Variants in CSMD1 observed in about 807,000 individuals in gnomAD.
The protein encoded by CSMD1 is CUB and Sushi multiple domains 1.
CSMD1 carries 213 observed loss-of-function variants against 417.5 expected under a neutral mutation model. The ratio of observed to expected loss-of-function variants is 0.51; its 90% CI spans 0.46 to 0.57. CSMD1 has a LOEUF of 0.57. Ranked by LOEUF, CSMD1 falls within the 20% of genes least tolerant of loss-of-function variation. The pLI is 0.00. For missense variants in CSMD1, 6,923 were observed against 4,529.7 expected, an observed-to-expected ratio of 1.53 and a Z score of -15.17; for synonymous variants, 2,862 against 1,736.8, an observed-to-expected ratio of 1.65 and a Z score of -16.11.
intron 3 of CSMD1, among the ~76,000 whole-genome samples, chr8:4,328,975 T>C (rs1310716265): frequency 1.3e-5 from 2 of 152,370 alleles, no homozygotes; most frequent in African/African-American, 2.4e-5. Flanking sequence ...CACTCTTCTG[T>C]GATATTTATT....
At chr8:3,412,828 T>G (rs1051615185) in intron 12 of CSMD1, among the ~76,000 whole-genome samples, 19 of 152,236 alleles carry the variant, frequency 1.2e-4, no homozygotes, top group Non-Finnish European at 2.9e-5. Context: ...TTGGGATGCC[T>G]TGAATGAGCG....
At chr8:4,200,548 G>A (rs1004311459) in intron 3 of CSMD1, among the ~76,000 whole-genome samples, 1 of 151,938 alleles carries the variant, frequency 6.6e-6, no homozygotes, top group Non-Finnish European at 1.5e-5. Context: ...AATGCCTGCT[G>A]TGCTATCCTT....
Position 3,110,162 on chromosome 8 carries a change from C to A in CSMD1, c.6604G>T (p.Val2202Phe). ...TGACTTGAGAGGTTCTCATACCAAA[C>A]AGCAATGTAATCGTTGACAGCTTCC... ...QTEAVNDYIA[V>F]WDGPDQNSPQ... Residue 2202 changes from valine (V) to phenylalanine (F), a missense_variant, in exon 43 of 70, where the codon GTT (valine) becomes TTT (phenylalanine). By Grantham distance (50) the Val-to-Phe change is conservative. Transcript: ENST00000635120. 1 of 1,603,224 alleles carries A rather than the reference C, an allele frequency of 6.2e-7. No individual in the cohort carries two copies. The highest frequency in any genetic ancestry group is 8.5e-7 in the Non-Finnish European group (1 of 1,174,588).
intron 2 of CSMD1, among the ~76,000 whole-genome samples, chr8:4,607,164 C>G (rs1233730790): frequency 6.6e-6 from 1 of 151,880 alleles, no homozygotes; most frequent in Non-Finnish European, 1.5e-5. Flanking sequence ...AAGCACGATC[C>G]TTGTACTCAA....
intron 57 of CSMD1, among the ~76,000 whole-genome samples, chr8:2,971,692 T>G (rs1804469808): frequency 6.6e-6 from 1 of 152,218 alleles, no homozygotes; most frequent in Admixed American, 6.5e-5. Flanking sequence ...ATTTTAATAC[T>G]GAAATATCTA....
At chr8:3,917,826 G>C (rs1808931453) in intron 5 of CSMD1, among the ~76,000 whole-genome samples, 1 of 152,006 alleles carries the variant, frequency 6.6e-6, no homozygotes, top group African/African-American at 2.4e-5. Context: ...TTGTGTGTAT[G>C]CGGTAAAAGC....
At chr8:4,665,641 C>A (rs1330260829) in intron 1 of CSMD1, among the ~76,000 whole-genome samples, 2 of 152,142 alleles carry the variant, frequency 1.3e-5, no homozygotes, top group African/African-American at 4.8e-5. Context: ...ATGGCTTATT[C>A]CACGTTAGCA....
chr8:3,801,312 C>T lies in CSMD1; in HGVS notation c.819-47270G>A, dbSNP rs982609657. ...AAATTGGGAAAAAGATTTAAATAGA[C>T]ATTTCTCCAAAGAAGACATACAAAT... is the stretch of plus-strand genomic sequence containing the variant. On this transcript the variant is annotated intron_variant, in intron 5 of 69. Transcript: ENST00000635120. Among the ~76,000 whole-genome samples the T allele has an allele frequency of 4.6e-5, 7 of 152,202 alleles. No homozygotes were observed. In the South Asian group the frequency reaches 1.2e-3, roughly 27 times the overall value.
intron 3 of CSMD1, among the ~76,000 whole-genome samples, chr8:4,283,193 T>TTA (rs1387628739): frequency 6.6e-6 from 1 of 152,216 alleles, no homozygotes; most frequent in Non-Finnish European, 1.5e-5. Context: ...CATTTAAAAA[T>TTA]TATATATGAA....
chr8:4,519,952 T>G (rs1803350730), intron 2 of CSMD1, among the ~76,000 whole-genome samples: 1 of 151,314 alleles, frequency 6.6e-6, no homozygotes, highest in African/African-American at 2.4e-5. Flanking sequence ...TGTGTGTGTG[T>G]GTGTGGTGTG....
intron 3 of CSMD1, among the ~76,000 whole-genome samples, chr8:4,358,435 T>C (rs1279766937): frequency 6.6e-6 from 1 of 152,238 alleles, no homozygotes; most frequent in Non-Finnish European, 1.5e-5. Flanking sequence ...CAAATTTCAG[T>C]GTCCACACAG....
chr8:4,253,951 C>G lies in CSMD1; in HGVS notation c.415+166002G>C, dbSNP rs1056691088. Among the ~76,000 whole-genome samples the G allele has an allele frequency of 8.8e-4, 98 of 111,428 alleles. 1 individual carries two copies. The highest frequency in any genetic ancestry group is 3.2e-3 in the African/African-American group (92 of 28,824). The allele number at this position is 111,428 out of a possible 152,430, so 73.1% of individuals were successfully genotyped here. A position where few individuals can be genotyped will look rare whatever the true frequency, so the allele number is the denominator to read the frequency against. On this transcript the variant is annotated intron_variant, in intron 3 of 69. Transcript: ENST00000635120. Reference sequence around the variant, plus strand: ...TTTTTTTTTGAGATGGAGTCTTGCTCTAGTGCCCAGGCTGGAGTGCAGTGG... The same window carrying G: ...TTTTTTTTTGAGATGGAGTCTTGCTGTAGTGCCCAGGCTGGAGTGCAGTGG...
chr8:4,082,650 C>T (rs1238566756), intron 3 of CSMD1, among the ~76,000 whole-genome samples: 5 of 151,942 alleles, frequency 3.3e-5, no homozygotes, highest in East Asian at 1.9e-4. Flanking sequence ...TTTTAGGGTA[C>T]ATGTGCACAA....
chr8:3,695,408 T>C (rs1327400099), intron 7 of CSMD1, among the ~76,000 whole-genome samples: 2 of 152,104 alleles, frequency 1.3e-5, no homozygotes, highest in African/African-American at 2.4e-5. Context: ...CTCACTTTTA[T>C]TAGGTACACT....
intron 2 of CSMD1, among the ~76,000 whole-genome samples, chr8:4,605,781 A>G (rs1180217617): frequency 6.6e-6 from 1 of 152,212 alleles, no homozygotes; most frequent in Admixed American, 6.5e-5. Context: ...TTGCAAGCTC[A>G]CCGGTCCAAT....
At chr8:3,362,395 A>C (rs1483741578) in intron 20 of CSMD1, among the ~76,000 whole-genome samples, 1 of 152,170 alleles carries the variant, frequency 6.6e-6, no homozygotes, top group Non-Finnish European at 1.5e-5. Flanking sequence ...CCAATGGTCA[A>C]TTCTTAGGCT....
intron 3 of CSMD1, among the ~76,000 whole-genome samples, chr8:4,125,314 C>A (rs556607709): frequency 6.6e-6 from 1 of 152,218 alleles, no homozygotes; most frequent in Non-Finnish European, 1.5e-5. Flanking sequence ...TTTGGAAAAG[C>A]TAATTAGAAA....
chr8:4,799,249 T>A (rs1798149743), intron 1 of CSMD1, among the ~76,000 whole-genome samples: 1 of 152,144 alleles, frequency 6.6e-6, no homozygotes, highest in Non-Finnish European at 1.5e-5. Flanking sequence ...ATAACACCGA[T>A]GTAGCTCACC....
intron 4 of CSMD1, among the ~76,000 whole-genome samples, chr8:4,027,442 C>G (rs1241884052): frequency 6.6e-6 from 1 of 152,034 alleles, no homozygotes; most frequent in Non-Finnish European, 1.5e-5. Context: ...GGGGGTGGGT[C>G]CTCCATGCTG....
Sources: gnomAD v4.1 joint callset for allele counts (sites outside exome capture counted in the v4.1 genomes callset) on GRCh38, gnomAD v4.1.1 for gene constraint, MANE v1.5 for transcripts, NCBI Gene and HGNC (gene_info 2026-07-23, HGNC 2026-07-21) for gene names.